CNTN5: variants seen among roughly 807,000 people sequenced by gnomAD.
CNTN5 encodes contactin-5.
A neutral mutation model predicts 129.1 loss-of-function variants in CNTN5; 77 were observed. The observed-to-expected ratio is 0.60, with a 90% CI of 0.50 to 0.72. The LOEUF (loss-of-function observed/expected upper bound fraction) is 0.72. Ranked by LOEUF, CNTN5 falls within the 30% of genes least tolerant of loss-of-function variation. The pLI is 0.00. For synonymous variants in CNTN5, 509 were observed against 465.6 expected, an observed-to-expected ratio of 1.09 and a Z score of -1.20; for missense variants, 1,478 against 1,328.8, an observed-to-expected ratio of 1.11 and a Z score of -1.75.
intron 9 of CNTN5, among the ~76,000 whole-genome samples, chr11:100,053,367 T>A (rs34282851): frequency 0.073 from 11,046 of 151,686 alleles, 511 homozygotes; most frequent in East Asian, 0.19. Flanking sequence ...TTGTATCCAG[T>A]ATGAACTAAT....
intron 14 of CNTN5, among the ~76,000 whole-genome samples, chr11:100,191,865 T>C (rs954907869): frequency 6.6e-6 from 1 of 152,176 alleles, no homozygotes; most frequent in Middle Eastern, 3.4e-3. Flanking sequence ...TGAGGCTCTA[T>C]GTCATTGTTT....
chr11:99,822,025 CAA>C (rs1946817006), intron 4 of CNTN5, among the ~76,000 whole-genome samples: 1 of 152,096 alleles, frequency 6.6e-6, no homozygotes, highest in African/African-American at 2.4e-5. Flanking sequence ...TTTTCTCTGA[CAA>C]GAGTCTGACG....
chr11:99,565,923 A>G (rs1948990725), intron 3 of CNTN5, among the ~76,000 whole-genome samples: 1 of 152,326 alleles, frequency 6.6e-6, no homozygotes, highest in African/African-American at 2.4e-5. Flanking sequence ...TTTAGGTCAT[A>G]CAGAGTGGTA....
chr11:99,784,653 T>A (rs1945445812), intron 3 of CNTN5, among the ~76,000 whole-genome samples: 2 of 152,094 alleles, frequency 1.3e-5, no homozygotes, highest in South Asian at 4.1e-4. Context: ...TGCCACACTG[T>A]CTTCCGCAAC....
chr11:99,178,403 C>T (rs566603572), intron 1 of CNTN5, among the ~76,000 whole-genome samples: 4 of 150,422 alleles, frequency 2.7e-5, no homozygotes, highest in Non-Finnish European at 5.9e-5. Context: ...CACCTGTAGT[C>T]CTAGCTATTC....
chr11:100,236,847 G>A lies in CNTN5; in HGVS notation c.2005+12035G>A, dbSNP rs183253901. Reference sequence around the variant, plus strand: ...AGCCTGGAATGTACAGCCTTTTAGGGAATATACACTTCATATGGCCTGTTT... The same window carrying A: ...AGCCTGGAATGTACAGCCTTTTAGGAAATATACACTTCATATGGCCTGTTT... On this transcript the variant is annotated intron_variant, in intron 16 of 24. Transcript: ENST00000524871. Among the ~76,000 whole-genome samples, 567 of 152,172 alleles carry A rather than the reference G, an allele frequency of 3.7e-3. 2 individuals carry two copies. Among genetic ancestry groups the A allele is most frequent in the Non-Finnish European group, 6.0e-3 (405 of 68,006 alleles).
At chr11:99,314,200 A>T (rs1180878895) in intron 1 of CNTN5, among the ~76,000 whole-genome samples, 1 of 152,086 alleles carries the variant, frequency 6.6e-6, no homozygotes, top group Non-Finnish European at 1.5e-5. Flanking sequence ...AAATTATGCC[A>T]TGTAAATTTG....
rs914305043 is a variant in CNTN5 at position 99,156,819 on chromosome 11, C to A, written c.-210+135549C>A. ...ATCAAAAGTGATGTGGATAGTATTACAATGTGCACAGTGCTCAAATATAAT... is the reference window on the plus strand; with the variant it reads ...ATCAAAAGTGATGTGGATAGTATTAAAATGTGCACAGTGCTCAAATATAAT... On this transcript the variant is annotated intron_variant, in intron 1 of 24. Coordinates refer to ENST00000524871, the MANE Select transcript of CNTN5 (RefSeq NM_014361.4). Among the ~76,000 whole-genome samples, 5 of 152,008 alleles carry A rather than the reference C, an allele frequency of 3.3e-5. 1 individual carries two copies. The highest frequency in any genetic ancestry group is 4.4e-5 in the Non-Finnish European group (3 of 67,858).
At chr11:99,406,786 C>A (rs982477784) in intron 2 of CNTN5, among the ~76,000 whole-genome samples, 2 of 152,148 alleles carry the variant, frequency 1.3e-5, no homozygotes, top group African/African-American at 4.8e-5. Flanking sequence ...TTTTTCCGCT[C>A]TTCTCTCCCA....
At chr11:99,797,923 A>G (rs997522996) in intron 3 of CNTN5, among the ~76,000 whole-genome samples, 6 of 152,192 alleles carry the variant, frequency 3.9e-5, no homozygotes, top group African/African-American at 1.4e-4. Flanking sequence ...TTAAAAATAT[A>G]GCCTCTGCCT....
At chr11:99,922,346 C>G (rs1017974278) in intron 7 of CNTN5, among the ~76,000 whole-genome samples, 10 of 152,138 alleles carry the variant, frequency 6.6e-5, no homozygotes. Context: ...AGCTACAAGT[C>G]AAGATGAGAT....
chr11:99,213,563 C>A (rs1032740682), intron 1 of CNTN5, among the ~76,000 whole-genome samples: 1 of 150,352 alleles, frequency 6.7e-6, no homozygotes, highest in Non-Finnish European at 1.5e-5. Context: ...TGAGAGTAGA[C>A]TTGTAGTCAT....
rs117560533 is a variant in CNTN5, at chr11:100,041,202, T to C, written c.981-20010T>C. Among the ~76,000 whole-genome samples, 158 of 152,280 alleles carry C rather than the reference T, an allele frequency of 1.0e-3. 2 individuals carry two copies. The East Asian group carries it at 0.028, about 27-fold the overall frequency. Reference sequence around the variant, plus strand: ...AGACTACTGACTCTTCCTAGAATATTTTTTATCTCTCTTCCTTGTCTAAAT... The same window carrying C: ...AGACTACTGACTCTTCCTAGAATATCTTTTATCTCTCTTCCTTGTCTAAAT... On this transcript the variant is annotated intron_variant, in intron 9 of 24. Transcript: ENST00000524871.
At chr11:99,159,743 G>A (rs918730268) in intron 1 of CNTN5, among the ~76,000 whole-genome samples, 4 of 152,044 alleles carry the variant, frequency 2.6e-5, no homozygotes, top group Admixed American at 1.3e-4. Context: ...ATGGCATAAG[G>A]GATAATAAAT....
intron 3 of CNTN5, among the ~76,000 whole-genome samples, chr11:99,801,677 G>A (rs1235279264): frequency 1.3e-5 from 2 of 151,930 alleles, no homozygotes; most frequent in Non-Finnish European, 2.9e-5. Context: ...GAAAAGATCG[G>A]TTTAAGCTGT....
At chr11:100,253,701 A>G (rs917012488) in intron 16 of CNTN5, among the ~76,000 whole-genome samples, 3 of 151,966 alleles carry the variant, frequency 2.0e-5, no homozygotes, top group Admixed American at 1.3e-4. Context: ...CCTGGATCTC[A>G]TTTATTTTCT....
intron 3 of CNTN5, among the ~76,000 whole-genome samples, chr11:99,729,251 T>C (rs1207362031): frequency 1.3e-5 from 2 of 152,084 alleles, no homozygotes; most frequent in East Asian, 1.9e-4. Context: ...AGAGAAGGCA[T>C]AGATATTGGG....
chr11:99,851,308 C>G (rs1389804904), intron 6 of CNTN5, among the ~76,000 whole-genome samples: 1 of 152,102 alleles, frequency 6.6e-6, no homozygotes, highest in Non-Finnish European at 1.5e-5. Context: ...AACATAAGCG[C>G]AAAGCTGGAG....
intron 9 of CNTN5, among the ~76,000 whole-genome samples, chr11:100,053,806 G>A (rs1943083653): frequency 1.3e-5 from 2 of 151,718 alleles, no homozygotes; most frequent in South Asian, 4.1e-4. Flanking sequence ...AAAACCAAAT[G>A]TCCAACAGTC....
Sources: gnomAD v4.1 joint callset for allele counts (sites outside exome capture counted in the v4.1 genomes callset) on GRCh38, gnomAD v4.1.1 for gene constraint, MANE v1.5 for transcripts, NCBI Gene and HGNC (gene_info 2026-07-23, HGNC 2026-07-21) for gene names.